Variants in ASTN2 observed in about 807,000 individuals in gnomAD.
ASTN2 encodes the protein astrotactin 2.
ASTN2 carries 54 observed loss-of-function variants against 139.8 expected under a neutral mutation model. That is an observed-to-expected ratio of 0.39 (90% CI 0.31 to 0.48). ASTN2 has a LOEUF of 0.48. Ranked by LOEUF, ASTN2 falls within the 20% of genes least tolerant of loss-of-function variation. The pLI, the probability that ASTN2 is intolerant of heterozygous loss-of-function variation, is 0.95. For missense variants in ASTN2, 1,565 were observed against 1,725.1 expected (o/e 0.91, Z 1.64); for synonymous variants, 756 against 719.5 (o/e 1.05, Z -0.81).
intron 3 of ASTN2, among the ~76,000 whole-genome samples, chr9:117,144,083 A>G (rs1220936000): frequency 6.6e-6 from 1 of 152,164 alleles, no homozygotes; most frequent in African/African-American, 2.4e-5. Context: ...CTGATAGGAT[A>G]GGTGGCCTTA....
At chr9:116,879,990 T>C (rs1254629448) in intron 10 of ASTN2, among the ~76,000 whole-genome samples, 1 of 152,174 alleles carries the variant, frequency 6.6e-6, no homozygotes, top group Non-Finnish European at 1.5e-5. Context: ...TAAAAATCAA[T>C]TGTAACATAA....
chr9:117,345,015 A>G (rs1470614887), intron 1 of ASTN2, among the ~76,000 whole-genome samples: 1 of 152,150 alleles, frequency 6.6e-6, no homozygotes, highest in Non-Finnish European at 1.5e-5. Context: ...GTTGGGGCTA[A>G]ATGAAAGGAC....
intron 19 of ASTN2, among the ~76,000 whole-genome samples, chr9:116,581,115 C>T (rs996636614): frequency 3.3e-5 from 5 of 152,120 alleles, no homozygotes; most frequent in African/African-American, 1.2e-4. Flanking sequence ...GTTGACCTTC[C>T]TGCCGTTAAG....
At chr9:117,079,902 A>C (rs1385092352) in intron 5 of ASTN2, among the ~76,000 whole-genome samples, 2 of 152,264 alleles carry the variant, frequency 1.3e-5, no homozygotes, top group East Asian at 1.9e-4. Context: ...ACCTGTGCTA[A>C]GTTTGTTGCT....
intron 16 of ASTN2, among the ~76,000 whole-genome samples, chr9:116,724,249 C>A (rs1471467750): frequency 2.0e-5 from 3 of 152,222 alleles, no homozygotes; most frequent in Non-Finnish European, 4.4e-5. Flanking sequence ...TGTAGGGTAG[C>A]ACAATGAGAC....
chr9:116,807,432 C>A lies in ASTN2; in HGVS notation c.2208-1612G>T, dbSNP rs114811719. Among the ~76,000 whole-genome samples the A allele has an allele frequency of 6.6e-3, 1,002 of 152,300 alleles. 10 individuals are homozygous for A. Among genetic ancestry groups the A allele is most frequent in the African/African-American group, 0.023 (959 of 41,566 alleles). On this transcript the variant is annotated intron_variant, in intron 12 of 22. Transcript: ENST00000313400. ...CTGTTTCCTTGCTTTCCCCTAATCCCTGGCGTACTGCACTGATGCACTGAT... is the reference window on the plus strand; with the variant it reads ...CTGTTTCCTTGCTTTCCCCTAATCCATGGCGTACTGCACTGATGCACTGAT...
intron 5 of ASTN2, among the ~76,000 whole-genome samples, chr9:117,081,520 G>A (rs1241961985): frequency 1.3e-5 from 2 of 152,162 alleles, no homozygotes; most frequent in Non-Finnish European, 2.9e-5. Flanking sequence ...GGGTGCCACT[G>A]TGACTATGAT....
chr9:116,433,784 A>G (rs1403964578), intron 22 of ASTN2, among the ~76,000 whole-genome samples: 1 of 152,196 alleles, frequency 6.6e-6, no homozygotes, highest in African/African-American at 2.4e-5. Context: ...AAGCTCAGAT[A>G]CTGCCACTGG....
At chr9:116,919,943 A>G (rs999892669) in intron 10 of ASTN2, among the ~76,000 whole-genome samples, 23 of 147,792 alleles carry the variant, frequency 1.6e-4, no homozygotes, top group Non-Finnish European at 2.0e-4. Context: ...TCTGTCTCAA[A>G]AAAAAAAAAA....
intron 5 of ASTN2, among the ~76,000 whole-genome samples, chr9:117,074,603 T>A (rs1007936470): frequency 2.0e-5 from 3 of 152,134 alleles, no homozygotes; most frequent in Non-Finnish European, 4.4e-5. Context: ...GCAGGCAGGA[T>A]GCGCTGTCAG....
chr9:117,318,861 G>A (rs997020976), intron 1 of ASTN2, among the ~76,000 whole-genome samples: 1 of 152,128 alleles, frequency 6.6e-6, no homozygotes. Flanking sequence ...TTGTTATAAG[G>A]CACTTCATGA....
At chr9:117,206,756 C>A (rs569300676) in intron 3 of ASTN2, among the ~76,000 whole-genome samples, 1 of 152,254 alleles carries the variant, frequency 6.6e-6, no homozygotes, top group South Asian at 2.1e-4. Context: ...CACAGCTATC[C>A]TGCCTTGAGC....
intron 5 of ASTN2, among the ~76,000 whole-genome samples, chr9:117,047,023 G>T (rs1838767461): frequency 6.6e-6 from 1 of 152,162 alleles, no homozygotes; most frequent in Non-Finnish European, 1.5e-5. Flanking sequence ...CTGCATATCA[G>T]GGTGACCACT....
intron 10 of ASTN2, among the ~76,000 whole-genome samples, chr9:116,955,270 C>G (rs1390264681): frequency 1.3e-5 from 2 of 152,162 alleles, no homozygotes; most frequent in African/African-American, 4.8e-5. Context: ...TGGCTCAGTC[C>G]TTGGTTCATA....
intron 12 of ASTN2, among the ~76,000 whole-genome samples, chr9:116,820,243 G>A (rs576110787): frequency 6.6e-6 from 1 of 152,282 alleles, no homozygotes; most frequent in East Asian, 1.9e-4. Flanking sequence ...CACCATACCT[G>A]AAGCCTTTGT....
chr9:116,886,174 T>C (rs1245038940), intron 10 of ASTN2, among the ~76,000 whole-genome samples: 8 of 152,212 alleles, frequency 5.3e-5, no homozygotes, highest in Non-Finnish European at 1.0e-4. Context: ...CATGCTATTA[T>C]CTGTCCACAG....
intron 1 of ASTN2, among the ~76,000 whole-genome samples, chr9:117,316,206 C>T (rs1828140091): frequency 6.6e-6 from 1 of 152,168 alleles, no homozygotes; most frequent in South Asian, 2.1e-4. Context: ...TGGAATCAGG[C>T]AGCATTGTGA....
chr9:117,335,385 C>G (rs1828851407), intron 1 of ASTN2, among the ~76,000 whole-genome samples: 1 of 152,148 alleles, frequency 6.6e-6, no homozygotes, highest in African/African-American at 2.4e-5. Context: ...AAGTACTAGG[C>G]TTTAACACAA....
chr9:116,533,326 T>A (rs915900794), intron 19 of ASTN2, among the ~76,000 whole-genome samples: 1 of 152,192 alleles, frequency 6.6e-6, no homozygotes, highest in Non-Finnish European at 1.5e-5. Context: ...TTTGACTTCC[T>A]CTTTTCCTAA....
Sources: allele counts gnomAD v4.1 joint callset (sites outside exome capture counted in the v4.1 genomes callset), GRCh38; gene constraint gnomAD v4.1.1; transcripts MANE v1.5; gene names NCBI Gene and HGNC (gene_info 2026-07-23, HGNC 2026-07-21).